The following PCSK5 variants were observed in gnomAD, a reference collection of about 807,000 sequenced individuals.
The protein encoded by PCSK5 is prohormone convertase 5.
PCSK5 carries 129 observed loss-of-function variants against 233.2 expected under a neutral mutation model. The ratio of observed to expected loss-of-function variants is 0.55; its 90% CI spans 0.48 to 0.64. The LOEUF (loss-of-function observed/expected upper bound fraction) is 0.64. PCSK5 is among the 30% of genes least tolerant of loss of function. The pLI is 0.00. For missense variants in PCSK5, 2,076 were observed against 2,430.1 expected, an observed-to-expected ratio of 0.85 and a Z score of 3.06; for synonymous variants, 825 against 879.2, an observed-to-expected ratio of 0.94 and a Z score of 1.09.
At chr9:76,041,716 G>A (rs573278153) in intron 5 of PCSK5, among the ~76,000 whole-genome samples, 64 of 151,848 alleles carry the variant, frequency 4.2e-4, no homozygotes, top group Admixed American at 6.6e-4. Context: ...GGCTGTGCCT[G>A]TAGTCCCAGC....
intron 3 of PCSK5, among the ~76,000 whole-genome samples, chr9:76,014,422 G>T (rs928393291): frequency 6.6e-6 from 1 of 152,152 alleles, no homozygotes; most frequent in Non-Finnish European, 1.5e-5. Context: ...TTTGATTTTT[G>T]ATTCATAGCC....
intron 24 of PCSK5, among the ~76,000 whole-genome samples, chr9:76,265,373 C>T (rs1188164299): frequency 1.3e-5 from 2 of 151,548 alleles, no homozygotes; most frequent in Non-Finnish European, 2.9e-5. Context: ...CAAATCTGCA[C>T]ATATACCACC....
chr9:76,202,645 C>G (rs576360714), intron 20 of PCSK5, among the ~76,000 whole-genome samples: 1 of 152,248 alleles, frequency 6.6e-6, no homozygotes, highest in South Asian at 2.1e-4. Context: ...CATCACTCCC[C>G]CTCCTTTAAT....
In PCSK5 at chr9:76,358,995, TC is replaced by T; in HGVS notation, c.*77del. The T allele has an allele frequency of 1.6e-6, 2 of 1,286,306 alleles. No individual in the cohort carries two copies. Among genetic ancestry groups the T allele is most frequent in the Non-Finnish European group, 2.2e-6 (2 of 906,994 alleles). 79.7% of individuals were successfully genotyped at this position (1,286,306 alleles called of 1,614,324 possible). On this transcript the variant is annotated 3_prime_UTR_variant, in exon 38 of 38. Transcript: ENST00000674117. ...GTGAGCATCACTGTTTTTGGTTTTA[TC>T]CCCACACCAGGCTGATGTGTGAGTT...
intron 6 of PCSK5, 61 bp downstream of exon 6, chr9:76,068,104 C>A: frequency 8.7e-7 from 1 of 1,149,846 alleles, no homozygotes; most frequent in Non-Finnish European, 1.3e-6. Context: ...GGCTGACTGG[C>A]TTTCAGAATC....
chr9:76,288,909 CAA>C, intron 24 of PCSK5, among the ~76,000 whole-genome samples: 1 of 152,140 alleles, frequency 6.6e-6, no homozygotes, highest in East Asian at 1.9e-4. Context: ...CTCATCCATC[CAA>C]ATTCAATGGT....
At chr9:76,237,178 C>A (rs1193973397) in intron 22 of PCSK5, among the ~76,000 whole-genome samples, 1 of 152,214 alleles carries the variant, frequency 6.6e-6, no homozygotes, top group Non-Finnish European at 1.5e-5. Flanking sequence ...AAGGATGACC[C>A]TCTTGTGATC....
chr9:76,036,397 A>C (rs1256210062), intron 5 of PCSK5, among the ~76,000 whole-genome samples: 1 of 152,230 alleles, frequency 6.6e-6, no homozygotes, highest in East Asian at 1.9e-4. Context: ...GATTCTCATA[A>C]AATCGTTCAC....
intron 9 of PCSK5, among the ~76,000 whole-genome samples, chr9:76,127,329 C>T (rs1355517284): frequency 2.0e-5 from 3 of 152,170 alleles, no homozygotes; most frequent in Non-Finnish European, 2.9e-5. Flanking sequence ...ACATTCGATT[C>T]TCTAAAGCAC....
chr9:75,908,307 AT>A (rs1281788662), intron 1 of PCSK5, among the ~76,000 whole-genome samples: 1 of 152,176 alleles, frequency 6.6e-6, no homozygotes, highest in Non-Finnish European at 1.5e-5. Flanking sequence ...GGAAAGGTGA[AT>A]TGTATTTTCT....
intron 5 of PCSK5, among the ~76,000 whole-genome samples, chr9:76,064,214 C>T (rs868306981): frequency 6.9e-4 from 70 of 101,770 alleles, no homozygotes; most frequent in African/African-American, 1.3e-3. Context: ...CCGGACGGGG[C>T]GGCTGGCCGG....
chr9:75,950,139 G>T (rs1417327059), intron 2 of PCSK5, among the ~76,000 whole-genome samples: 1 of 104,434 alleles, frequency 9.6e-6, no homozygotes, highest in Non-Finnish European at 2.0e-5. Context: ...ACTTGTGTGT[G>T]TGTGTGGGGG....
intron 2 of PCSK5, among the ~76,000 whole-genome samples, chr9:75,942,030 A>G (rs2131302940): frequency 6.6e-6 from 1 of 152,358 alleles, no homozygotes; most frequent in African/African-American, 2.4e-5. Flanking sequence ...CTTCACTTCA[A>G]AAGGTCATAA....
At chr9:76,058,287 T>C (rs1400462256) in intron 5 of PCSK5, among the ~76,000 whole-genome samples, 2 of 152,172 alleles carry the variant, frequency 1.3e-5, no homozygotes, top group East Asian at 3.9e-4. Context: ...GGAGGTATTT[T>C]TTAATAAGCT....
intron 9 of PCSK5, among the ~76,000 whole-genome samples, chr9:76,122,005 A>C (rs1412799251): frequency 1.1e-5 from 1 of 87,370 alleles, no homozygotes; most frequent in Non-Finnish European, 2.7e-5. Context: ...TTGTATTTTT[A>C]GTAGAGACGG....
chr9:76,104,267 G>T (rs1831886998), intron 8 of PCSK5, among the ~76,000 whole-genome samples: 1 of 152,144 alleles, frequency 6.6e-6, no homozygotes, highest in Non-Finnish European at 1.5e-5. Flanking sequence ...CTCTTGAAAT[G>T]ACCCAGCTGG....
chr9:75,901,999 T>G (rs533980641), intron 1 of PCSK5, among the ~76,000 whole-genome samples: 75 of 152,092 alleles, frequency 4.9e-4, no homozygotes, highest in African/African-American at 1.5e-3. Context: ...GCAGATTACC[T>G]GAGGTCAGGA....
At chr9:76,130,432 C>A (rs80173643) in intron 9 of PCSK5, among the ~76,000 whole-genome samples, 1,785 of 152,286 alleles carry the variant, frequency 0.012, 47 homozygotes, top group African/African-American at 0.041. Context: ...CCAAGTCCAG[C>A]TGGCTTGAAT....
chr9:76,362,701 T>A lies in PCSK5; in HGVS notation c.*3779T>A, dbSNP rs1393168349. 1.3e-5 allele frequency among the ~76,000 whole-genome samples: 2 copies of A among 152,214 alleles called. No individual in the cohort carries two copies. The highest frequency in any genetic ancestry group is 4.1e-4 in the South Asian group (2 of 4,832). On this transcript the variant is annotated 3_prime_UTR_variant, in exon 38 of 38. Coordinates refer to ENST00000674117, the MANE Select transcript of PCSK5 (RefSeq NM_001372043.1). ...TGGGCCTGGCAGTTAAAGATCGACC[T>A]CTGACCTAACCGGTTATGTTATCTA...
Sources: allele counts gnomAD v4.1 joint callset (sites outside exome capture counted in the v4.1 genomes callset), GRCh38; gene constraint gnomAD v4.1.1; transcripts MANE v1.5; gene names NCBI Gene and HGNC (gene_info 2026-07-23, HGNC 2026-07-21).